Variants in C2CD4C observed in about 807,000 individuals in gnomAD.
C2CD4C encodes C2 calcium-dependent domain-containing protein 4C.
Under a neutral mutation model 4.1 loss-of-function variants are expected in C2CD4C, and 3 were observed. That is an observed-to-expected ratio of 0.73 (90% CI 0.33 to 1.88). The LOEUF (loss-of-function observed/expected upper bound fraction) is 1.88. Among genes scored for constraint, C2CD4C ranks in the 40% most tolerant of loss-of-function variants. The pLI, the probability that C2CD4C is intolerant of heterozygous loss-of-function variation, is 0.08. For synonymous variants in C2CD4C, 364 were observed against 290.4 expected (o/e 1.25, Z -2.57); for missense variants, 664 against 621.5 (o/e 1.07, Z -0.73).
At position 407,164 on chromosome 19, in the gene C2CD4C, T is replaced by C. The variant is rs1348020325; in HGVS notation, c.1198A>G (p.Ser400Gly). The C allele has an allele frequency of 1.9e-6, 3 of 1,550,244 alleles. No homozygotes were observed. Among genetic ancestry groups the C allele is most frequent in the Non-Finnish European group, 2.6e-6 (3 of 1,146,874 alleles). ...CCGAGCAGCGTGTCCCGCTTGAGGC[T>C]GCTGCCCTTGTTCACCACCTTGATC... Reference protein sequence around the residue: ...LRIKVVNKGSSLKRDTLLGEK... With the variant: ...LRIKVVNKGSGLKRDTLLGEK... The change falls in exon 2 of 2, where the codon AGC (serine) becomes GGC (glycine). Residue 400 changes from serine to glycine, a missense_variant. Ser to Gly is a moderately conservative substitution (Grantham distance 56). Coordinates refer to ENST00000332235, the MANE Select transcript of C2CD4C (RefSeq NM_001136263.2).
chr19:407,508 G>A lies in C2CD4C; in HGVS notation c.854C>T (p.Pro285Leu), dbSNP rs1401140524. 3.6e-6 allele frequency: 5 copies of A among 1,380,654 alleles called. No individual in the cohort carries two copies. In the African/African-American group the frequency reaches 7.7e-5, roughly 21 times the overall value. The allele number at this position is 1,380,654 out of a possible 1,614,324, so 85.5% of individuals were successfully genotyped here. The change falls in exon 2 of 2, where the codon CCC (proline) becomes CTC (leucine). Residue 285 changes from proline to leucine, a missense_variant. Pro to Leu is a moderately conservative substitution (Grantham distance 98). Coordinates refer to ENST00000332235, the MANE Select transcript of C2CD4C (RefSeq NM_001136263.2). Reference protein sequence around the residue: ...GSRRRLTRRAPPEPGPESGQA... With the variant: ...GSRRRLTRRALPEPGPESGQA... Reference sequence around the variant, plus strand: ...GCCCGACTCGGGGCCAGGTTCCGGGGGTGCCCGGCGGGTCAGGCGGCGCCG... The same window carrying A: ...GCCCGACTCGGGGCCAGGTTCCGGGAGTGCCCGGCGGGTCAGGCGGCGCCG...
At position 406,795 on chromosome 19, in the gene C2CD4C, G is replaced by A. The variant is rs539102296; in HGVS notation, c.*301C>T. 31 of 389,984 alleles carry A rather than the reference G, an allele frequency of 7.9e-5. No homozygotes were observed. In the South Asian group the frequency reaches 1.1e-3, roughly 13 times the overall value. The allele number at this position is 389,984 out of a possible 1,614,324, so 24.2% of individuals were successfully genotyped here. ...GTGAAAGGCGCGAGGCAGTGTGGAG[G>A]GGCAAAGGGGGACCCTCTGCCCCGC... On this transcript the variant is annotated 3_prime_UTR_variant, in exon 2 of 2. Coordinates refer to ENST00000332235, the MANE Select transcript of C2CD4C (RefSeq NM_001136263.2).
At position 406,998 on chromosome 19, in the gene C2CD4C, C is replaced by G; in HGVS notation, c.*98G>C. 9.4e-7 allele frequency: 1 copy of G among 1,064,330 alleles called. No individual in the cohort carries two copies. The highest frequency in any genetic ancestry group is 1.3e-6 in the Non-Finnish European group (1 of 768,740). The allele number at this position is 1,064,330 out of a possible 1,614,324, so 65.9% of individuals were successfully genotyped here. A position where few individuals can be genotyped will look rare whatever the true frequency, so the allele number is the denominator to read the frequency against. On this transcript the variant is annotated 3_prime_UTR_variant, in exon 2 of 2. Transcript: ENST00000332235. ...AGTGTGAGCCCCTCCCCGGCCAGCC[C>G]CAGCCCAAGCCAGCGGACCCGCCCG...
At position 407,380 on chromosome 19, in the gene C2CD4C, C is replaced by A. The variant is rs1160615919; in HGVS notation, c.982G>T (p.Ala328Ser). The change falls in exon 2 of 2, where the codon GCC becomes TCC. Residue 328 changes from alanine (A) to serine (S), a missense_variant. Coordinates refer to ENST00000332235, the MANE Select transcript of C2CD4C (RefSeq NM_001136263.2). ...AGGCGGTCGTAGAGGCCCTCGGCGG[C>A]CAGCAGGTGCACCCGCAGGCGGGCC... ...GQARLRVHLL[A>S]AEGLYDRLCD... 2 of 1,539,418 alleles carry A rather than the reference C, an allele frequency of 1.3e-6. No individual in the cohort carries two copies. The highest frequency in any genetic ancestry group is 1.7e-6 in the Non-Finnish European group (2 of 1,145,614).
chr19:407,461 C>G lies in C2CD4C; in HGVS notation c.901G>C (p.Val301Leu). The G allele has an allele frequency of 7.0e-7, 1 of 1,423,706 alleles. No homozygotes were observed. Among genetic ancestry groups the G allele is most frequent in the Non-Finnish European group, 9.1e-7 (1 of 1,095,752 alleles). The allele number at this position is 1,423,706 out of a possible 1,614,324, so 88.2% of individuals were successfully genotyped here. A position where few individuals can be genotyped will look rare whatever the true frequency, so the allele number is the denominator to read the frequency against. ...ACGCTGCCCCGAGGGCCCACGTGGA[C>G]CGTGTGCTCCCCACGCGCCTGGCCC... ...ESGQARGEHTVHVGPRGSVRL... is the reference protein window; with the variant it reads ...ESGQARGEHTLHVGPRGSVRL... Residue 301 changes from valine to leucine, a missense_variant, in exon 2 of 2, where the codon GTC becomes CTC. Transcript: ENST00000332235.
chr19:406,610 C>A lies in C2CD4C; in HGVS notation c.*486G>T, dbSNP rs1242398964. On this transcript the variant is annotated 3_prime_UTR_variant, in exon 2 of 2. Coordinates refer to ENST00000332235, the MANE Select transcript of C2CD4C (RefSeq NM_001136263.2). ...TGTGGCCGCGAGGCCCTGCTCTCCG[C>A]GGGGTGGGAACTGGATGGCGGCAGG... The A allele has an allele frequency of 2.0e-5, 3 of 153,770 alleles. No homozygotes were observed. Among genetic ancestry groups the A allele is most frequent in the Non-Finnish European group, 2.9e-5 (2 of 69,196 alleles). The allele number at this position is 153,770 out of a possible 1,614,324, so 9.5% of individuals were successfully genotyped here.
In C2CD4C at chr19:406,852, T is replaced by C. The variant is rs1973998138; in HGVS notation, c.*244A>G. 6.1e-6 allele frequency: 3 copies of C among 489,382 alleles called. No homozygotes were observed. Among genetic ancestry groups the C allele is most frequent in the South Asian group, 3.1e-5 (1 of 32,348 alleles). 30.3% of individuals were successfully genotyped at this position (489,382 alleles called of 1,614,324 possible). A position where few individuals can be genotyped will look rare whatever the true frequency, so the allele number is the denominator to read the frequency against. On this transcript the variant is annotated 3_prime_UTR_variant, in exon 2 of 2. Transcript: ENST00000332235. ...GCCCCTTCTCTTCCCCCGAGGCCCC[T>C]CTCCTCCTCCTCCTCCTCCTCCAAA...
Position 407,351 on chromosome 19 carries a change from G to A in C2CD4C, c.1011C>T (p.Cys337=), listed in dbSNP as rs1600256302. The stretch of plus-strand genomic sequence containing the variant: ...CGCAGCAGTTGATGCTGCGGGCGTC[G>A]CACAGGCGGTCGTAGAGGCCCTCGG... ...LAAEGLYDRL[C]DARSINCCVG... Residue 337 remains cysteine, a synonymous_variant, in exon 2 of 2, where the codon TGC becomes TGT. Coordinates refer to ENST00000332235, the MANE Select transcript of C2CD4C (RefSeq NM_001136263.2). The A allele has an allele frequency of 5.8e-6, 9 of 1,545,912 alleles. No homozygotes were observed. The East Asian group carries it at 7.3e-5, about 13-fold the overall frequency.
At position 408,020 on chromosome 19, in the gene C2CD4C, G is replaced by T. The variant is rs888231371; in HGVS notation, c.342C>A (p.Ile114=). ...CGGACAGCCAGTCCTCGGCACTCTC[G>T]ATCTGGATCACGTGCCGGGTGGCTG... ...LKAATRHVIQ[I]ESAEDWLSEE... The change falls in exon 2 of 2, where the codon ATC becomes ATA. Residue 114 remains isoleucine, a synonymous_variant. Transcript: ENST00000332235. The T allele has an allele frequency of 5.8e-6, 9 of 1,547,782 alleles. No individual in the cohort carries two copies. The highest frequency in any genetic ancestry group is 1.4e-5 in the African/African-American group (1 of 72,928).
rs572843115 is a variant in C2CD4C, at chr19:408,571, G to A, written c.-40-170C>T. 2.0e-3 allele frequency among the ~76,000 whole-genome samples: 305 copies of A among 152,216 alleles called. 1 individual carries two copies. Among genetic ancestry groups the A allele is most frequent in the African/African-American group, 7.2e-3 (298 of 41,558 alleles). ...GCGGCCCAGGACAGGAGTGAGGCGG[G>A]TTCCCCCCACCTTTTTCCGGAGAGA... On this transcript the variant is annotated intron_variant, in intron 1 of 1. Coordinates refer to ENST00000332235, the MANE Select transcript of C2CD4C (RefSeq NM_001136263.2).
At chr19:408,433 G>C (rs374048979) in intron 1 of C2CD4C, 32 bp from the exon 2 acceptor site, 1 of 1,442,336 alleles carries the variant, frequency 6.9e-7, no homozygotes. Context: ...AGGAGCAGTG[G>C]GGGGCGGCTG....
At position 405,918 on chromosome 19, in the gene C2CD4C, G is replaced by A. The variant is rs1307993137; in HGVS notation, c.*1178C>T. On this transcript the variant is annotated 3_prime_UTR_variant, in exon 2 of 2. Coordinates refer to ENST00000332235, the MANE Select transcript of C2CD4C (RefSeq NM_001136263.2). ...GGACGTCCCTGGGTACCACAGATGT[G>A]CCCTGGTTCCTCCGTGCCCACCAGC... 1.3e-5 allele frequency: 2 copies of A among 152,388 alleles called. No homozygotes were observed. Among genetic ancestry groups the A allele is most frequent in the Non-Finnish European group, 2.9e-5 (2 of 68,162 alleles). 9.4% of individuals were successfully genotyped at this position (152,388 alleles called of 1,614,324 possible). A position where few individuals can be genotyped will look rare whatever the true frequency, so the allele number is the denominator to read the frequency against.
chr19:406,820 C>T lies in C2CD4C; in HGVS notation c.*276G>A, dbSNP rs552086733. 8.8e-6 allele frequency: 4 copies of T among 454,868 alleles called. No homozygotes were observed. The highest frequency in any genetic ancestry group is 4.0e-5 in the African/African-American group (2 of 50,102). 28.2% of individuals were successfully genotyped at this position (454,868 alleles called of 1,614,324 possible). On this transcript the variant is annotated 3_prime_UTR_variant, in exon 2 of 2. Transcript: ENST00000332235. ...GGGCAAAGGGGGACCCTCTGCCCCG[C>T]GAAGTGGCCCCTTCTCTTCCCCCGA...
chr19:408,073 CCAG>C lies in C2CD4C; in HGVS notation c.286_288del (p.Leu96del). Reference sequence around the variant, plus strand: ...TTCAGCAGGCTCTTGCTCTCGGCTGCCAGCTTGGCAGGCAGCCGGGGGCTCCGT... The same window carrying C: ...TTCAGCAGGCTCTTGCTCTCGGCTGCCTTGGCAGGCAGCCGGGGGCTCCGT... On this transcript the variant is annotated inframe_deletion, in exon 2 of 2. Transcript: ENST00000332235. 1.3e-6 allele frequency: 2 copies of C among 1,507,892 alleles called. No individual in the cohort carries two copies. Among genetic ancestry groups the C allele is most frequent in the Non-Finnish European group, 8.8e-7 (1 of 1,130,510 alleles). The allele number at this position is 1,507,892 out of a possible 1,614,324, so 93.4% of individuals were successfully genotyped here. A position where few individuals can be genotyped will look rare whatever the true frequency, so the allele number is the denominator to read the frequency against.
chr19:405,740 C>G lies in C2CD4C; in HGVS notation c.*1356G>C, dbSNP rs1274487529. 1 of 152,202 alleles carries G rather than the reference C, an allele frequency of 6.6e-6. No homozygotes were observed. The highest frequency in any genetic ancestry group is 1.5e-5 in the Non-Finnish European group (1 of 68,034). The allele number at this position is 152,202 out of a possible 1,614,324, so 9.4% of individuals were successfully genotyped here. ...GAGAGCGGAGCCCTGCAACACCAGG[C>G]TCAGAAGGGGCCTGCACTCTCCCTC... On this transcript the variant is annotated 3_prime_UTR_variant, in exon 2 of 2. Transcript: ENST00000332235.
In C2CD4C at chr19:406,943, A is replaced by G. The variant is rs1974000036; in HGVS notation, c.*153T>C. The G allele has an allele frequency of 8.9e-6, 5 of 560,018 alleles. No individual in the cohort carries two copies. In the East Asian group the frequency reaches 1.8e-4, roughly 20 times the overall value. 34.7% of individuals were successfully genotyped at this position (560,018 alleles called of 1,614,324 possible). A position where few individuals can be genotyped will look rare whatever the true frequency, so the allele number is the denominator to read the frequency against. ...CGGGTGACCCAGGAAACCCTGCGTC[A>G]GCTACAGCATCAGCGCCCAGCCCAG... is the stretch of plus-strand genomic sequence containing the variant. On this transcript the variant is annotated 3_prime_UTR_variant, in exon 2 of 2. Transcript: ENST00000332235.
At chr19:408,486 A>G (rs1600257893) in intron 1 of C2CD4C, 85 bp from the exon 2 acceptor site, 15 of 268,714 alleles carry the variant, frequency 5.6e-5, no homozygotes, top group East Asian at 1.4e-4. Flanking sequence ...GCCTCCCGGC[A>G]GGGCCCTGCC....
Position 407,476 on chromosome 19 carries a change from G to C in C2CD4C, c.886C>G (p.Arg296Gly). Residue 296 changes from arginine (R) to glycine (G), a missense_variant, in exon 2 of 2, where the codon CGT becomes GGT. Physicochemically the swap from Arg to Gly is moderately radical, Grantham distance 125 (BLOSUM62 -2). Coordinates refer to ENST00000332235, the MANE Select transcript of C2CD4C (RefSeq NM_001136263.2). ...CCCACGTGGACCGTGTGCTCCCCAC[G>C]CGCCTGGCCCGACTCGGGGCCAGGT... ...PEPGPESGQA[R>G]GEHTVHVGPR... 7.2e-7 allele frequency: 1 copy of C among 1,383,522 alleles called. No individual in the cohort carries two copies. Among genetic ancestry groups the C allele is most frequent in the Non-Finnish European group, 9.3e-7 (1 of 1,074,334 alleles). 85.7% of individuals were successfully genotyped at this position (1,383,522 alleles called of 1,614,324 possible).
Position 408,135 on chromosome 19 carries a change from TG to T in C2CD4C, c.226del (p.Gln76ArgfsTer29). 3.4e-6 allele frequency: 5 copies of T among 1,458,824 alleles called. No homozygotes were observed. Among genetic ancestry groups the T allele is most frequent in the Non-Finnish European group, 4.5e-6 (5 of 1,105,426 alleles). The allele number at this position is 1,458,824 out of a possible 1,614,324, so 90.4% of individuals were successfully genotyped here. A position where few individuals can be genotyped will look rare whatever the true frequency, so the allele number is the denominator to read the frequency against. ...GCGGGGGGCCGCAGAGGCCAGGTTC[TG>T]TTCCGACGTGGAGGGGCCCAGCGCG... ...QAALGPSTSE[Q>X]NLASAAPRQT... On this transcript the variant is annotated frameshift_variant, in exon 2 of 2. Transcript: ENST00000332235. LOFTEE classifies it low-confidence loss of function (END_TRUNC).
Sources: gnomAD v4.1 joint callset for allele counts (sites outside exome capture counted in the v4.1 genomes callset) on GRCh38, gnomAD v4.1.1 for gene constraint, MANE v1.5 for transcripts, NCBI Gene and HGNC (gene_info 2026-07-23, HGNC 2026-07-21) for gene names.